The following CNTNAP2 variants were observed in gnomAD, a reference collection of about 807,000 sequenced individuals.
CNTNAP2 encodes contactin associated protein 2.
A neutral mutation model predicts 155.2 loss-of-function variants in CNTNAP2; 98 were observed. The ratio of observed to expected loss-of-function variants is 0.63; its 90% CI spans 0.54 to 0.75. The LOEUF (loss-of-function observed/expected upper bound fraction) is 0.75. CNTNAP2 is among the 30% of genes least tolerant of loss of function. CNTNAP2 has a pLI of 0.00. For synonymous variants in CNTNAP2, 651 were observed against 631.2 expected (o/e 1.03, Z -0.47); for missense variants, 1,727 against 1,688.1 (o/e 1.02, Z -0.40).
intron 15 of CNTNAP2, among the ~76,000 whole-genome samples, chr7:148,031,337 C>A (rs1802473067): frequency 6.6e-6 from 1 of 152,124 alleles, no homozygotes; most frequent in South Asian, 2.1e-4. Context: ...AAGTCAAAGG[C>A]CTAGAGTCAG....
At chr7:147,246,517 T>C (rs576784413) in intron 8 of CNTNAP2, among the ~76,000 whole-genome samples, 1 of 152,166 alleles carries the variant, frequency 6.6e-6, no homozygotes, top group Admixed American at 6.5e-5. Context: ...CTTTTTGCTG[T>C]GTCCTCATAC....
intron 18 of CNTNAP2, among the ~76,000 whole-genome samples, chr7:148,191,630 C>T (rs1388779863): frequency 6.6e-6 from 1 of 152,156 alleles, no homozygotes; most frequent in Admixed American, 6.5e-5. Context: ...AGGCTGCTGA[C>T]TTACTGTTGT....
intron 1 of CNTNAP2, among the ~76,000 whole-genome samples, chr7:146,583,216 A>C (rs1798638828): frequency 6.6e-6 from 1 of 152,154 alleles, no homozygotes; most frequent in Non-Finnish European, 1.5e-5. Context: ...CAGCAATCTG[A>C]GAAAGTGACC....
chr7:146,967,436 C>A (rs1797680957), intron 3 of CNTNAP2, among the ~76,000 whole-genome samples: 1 of 152,128 alleles, frequency 6.6e-6, no homozygotes, highest in Non-Finnish European at 1.5e-5. Context: ...TCTTCCTACC[C>A]ATGAGCATGG....
At chr7:146,511,302 T>C (rs1384902882) in intron 1 of CNTNAP2, among the ~76,000 whole-genome samples, 1 of 152,232 alleles carries the variant, frequency 6.6e-6, no homozygotes, top group Non-Finnish European at 1.5e-5. Context: ...CTAATTGCTC[T>C]GGCTAGTACT....
chr7:146,775,645 G>A (rs1007684787), intron 2 of CNTNAP2, among the ~76,000 whole-genome samples: 3 of 151,276 alleles, frequency 2.0e-5, no homozygotes, highest in Non-Finnish European at 3.0e-5. Flanking sequence ...AAAAAAGAAA[G>A]CAGGAGGAAA....
intron 10 of CNTNAP2, among the ~76,000 whole-genome samples, chr7:147,462,302 C>T (rs545422429): frequency 2.8e-4 from 42 of 152,230 alleles, no homozygotes; most frequent in African/African-American, 9.4e-4. Context: ...GCTTAGAGTC[C>T]CCAGTGCTTC....
intron 4 of CNTNAP2, among the ~76,000 whole-genome samples, chr7:147,068,102 C>G (rs1033615392): frequency 1.3e-5 from 2 of 152,140 alleles, no homozygotes; most frequent in Admixed American, 6.5e-5. Context: ...GCAGGAGAGA[C>G]AGCCTTTGTT....
intron 3 of CNTNAP2, among the ~76,000 whole-genome samples, chr7:147,041,334 A>G (rs1032207601): frequency 6.6e-6 from 1 of 152,152 alleles, no homozygotes; most frequent in African/African-American, 2.4e-5. Context: ...CAATAAGCGC[A>G]TCAAATCTTT....
chr7:146,969,842 G>T (rs1427484934), intron 3 of CNTNAP2, among the ~76,000 whole-genome samples: 2 of 152,058 alleles, frequency 1.3e-5, no homozygotes, highest in African/African-American at 4.8e-5. Flanking sequence ...AAACAGCATG[G>T]TACTGGTACC....
chr7:147,128,778 A>G lies in CNTNAP2; in HGVS notation c.1025A>G (p.Tyr342Cys). ...AAAGGCTGCATGGAAAGCATCAACTACAATGGCGTCAACATTACTGATCTT... is the reference window on the plus strand; with the variant it reads ...AAAGGCTGCATGGAAAGCATCAACTGCAATGGCGTCAACATTACTGATCTT... ...NFKGCMESIN[Y>C]NGVNITDLAR... The change falls in exon 7 of 24, where the codon TAC (tyrosine) becomes TGC (cysteine). Residue 342 changes from tyrosine to cysteine, a missense_variant. Physicochemically the swap from Tyr to Cys is radical, Grantham distance 194. Transcript: ENST00000361727. 1.9e-6 allele frequency: 3 copies of G among 1,614,148 alleles called. No individual in the cohort carries two copies. Among genetic ancestry groups the G allele is most frequent in the Non-Finnish European group, 2.5e-6 (3 of 1,179,982 alleles).
chr7:148,375,051 T>C (rs1798958355), intron 21 of CNTNAP2, among the ~76,000 whole-genome samples: 1 of 152,154 alleles, frequency 6.6e-6, no homozygotes, highest in Non-Finnish European at 1.5e-5. Context: ...CCAGGCTTTC[T>C]ATCTTACATC....
chr7:146,411,850 T>TTTTTTTA (rs57711038), intron 1 of CNTNAP2, among the ~76,000 whole-genome samples: 8 of 148,844 alleles, frequency 5.4e-5, no homozygotes, highest in African/African-American at 2.1e-4. Context: ...TTATTTATTT[T>TTTTTTTA]ATTTGAGATA....
intron 12 of CNTNAP2, among the ~76,000 whole-genome samples, chr7:147,600,019 A>G (rs1297374235): frequency 6.6e-6 from 1 of 152,232 alleles, no homozygotes; most frequent in African/African-American, 2.4e-5. Flanking sequence ...TAAAATAACT[A>G]CATTTCAGAA....
intron 10 of CNTNAP2, among the ~76,000 whole-genome samples, chr7:147,431,799 C>T (rs1797471194): frequency 6.6e-6 from 1 of 152,154 alleles, no homozygotes; most frequent in Admixed American, 6.5e-5. Context: ...GTTCTGCCTG[C>T]CCCTGCTAAT....
rs375359219 is a variant in CNTNAP2, at chr7:147,347,441, CATATAT to C, written c.1498+47160_1498+47165del. Among the ~76,000 whole-genome samples, 14 of 56,548 alleles carry C rather than the reference CATATAT, an allele frequency of 2.5e-4. 1 individual carries two copies. The highest frequency in any genetic ancestry group is 9.1e-4 in the South Asian group (1 of 1,098). The allele number at this position is 56,548 out of a possible 152,430, so 37.1% of individuals were successfully genotyped here. A position where few individuals can be genotyped will look rare whatever the true frequency, so the allele number is the denominator to read the frequency against. The stretch of plus-strand genomic sequence containing the variant: ...AAGATTATATATATATATATATATG[CATATAT>C]ATATATATGCATATATATATATATA... On this transcript the variant is annotated intron_variant, in intron 9 of 23. Transcript: ENST00000361727.
intron 1 of CNTNAP2, among the ~76,000 whole-genome samples, chr7:146,643,441 C>G (rs1167712877): frequency 2.1e-5 from 3 of 144,656 alleles, no homozygotes; most frequent in East Asian, 2.1e-4. Flanking sequence ...GTTTGTTTTT[C>G]TCAGGTTTGT....
chr7:147,119,773 AAAG>A (rs1196093659), intron 5 of CNTNAP2, among the ~76,000 whole-genome samples: 1 of 151,992 alleles, frequency 6.6e-6, no homozygotes, highest in African/African-American at 2.4e-5. Context: ...GGAAAGAAAG[AAAG>A]AAGGAAAGGA....
At chr7:147,408,689 C>A (rs750042741) in intron 10 of CNTNAP2, among the ~76,000 whole-genome samples, 7 of 152,092 alleles carry the variant, frequency 4.6e-5, no homozygotes, top group South Asian at 2.1e-4. Flanking sequence ...ACCCGGGAGG[C>A]GGAGCTTGCA....
Sources: gnomAD v4.1 joint callset for allele counts (sites outside exome capture counted in the v4.1 genomes callset) on GRCh38, gnomAD v4.1.1 for gene constraint, MANE v1.5 for transcripts, NCBI Gene and HGNC (gene_info 2026-07-23, HGNC 2026-07-21) for gene names.